Variants in CAST observed in about 807,000 individuals in gnomAD.
CAST encodes the protein MIR583 host.
A neutral mutation model predicts 119.6 loss-of-function variants in CAST; 76 were observed. The ratio of observed to expected loss-of-function variants is 0.64; its 90% CI spans 0.53 to 0.77. The LOEUF is 0.77. CAST is among the 30% of genes least tolerant of loss of function. The pLI is 0.00. For synonymous variants in CAST, 319 were observed against 331.6 expected, an observed-to-expected ratio of 0.96 and a Z score of 0.41; for missense variants, 953 against 946.5, an observed-to-expected ratio of 1.01 and a Z score of -0.09.
chr5:95,963,167 C>G, the CAST span, among the ~76,000 whole-genome samples: 1 of 152,156 alleles, frequency 6.6e-6, no homozygotes, highest in African/African-American at 2.4e-5. Flanking sequence ...CTTGTTTTTA[C>G]CCTCAGCTTA....
At chr5:96,362,328 T>C in the CAST span, among the ~76,000 whole-genome samples, 62 of 152,360 alleles carry the variant, frequency 4.1e-4, no homozygotes, top group South Asian at 2.3e-3. Flanking sequence ...GCATGATTTA[T>C]AATCCTTTGG....
chr5:96,204,399 A>G, the CAST span, among the ~76,000 whole-genome samples: 2 of 151,958 alleles, frequency 1.3e-5, no homozygotes, highest in African/African-American at 4.8e-5. Flanking sequence ...AGATGATTTT[A>G]CCATCTCTAT....
the CAST span, among the ~76,000 whole-genome samples, chr5:96,254,550 C>T: frequency 6.6e-6 from 1 of 151,992 alleles, no homozygotes; most frequent in Non-Finnish European, 1.5e-5. Flanking sequence ...TTATTTAATT[C>T]CTACTTCCAT....
the CAST span, among the ~76,000 whole-genome samples, chr5:96,245,911 T>C: frequency 6.6e-6 from 1 of 152,180 alleles, no homozygotes; most frequent in Non-Finnish European, 1.5e-5. Context: ...GAATGAACTC[T>C]GTGTGTTCAC....
At chr5:96,004,142 C>A in the CAST span, among the ~76,000 whole-genome samples, 1 of 152,156 alleles carries the variant, frequency 6.6e-6, no homozygotes, top group Non-Finnish European at 1.5e-5. Flanking sequence ...ATGCCATGTG[C>A]TATGTTTTAG....
the CAST span, among the ~76,000 whole-genome samples, chr5:96,254,170 C>G: frequency 5.9e-5 from 9 of 152,076 alleles, no homozygotes; most frequent in Non-Finnish European, 1.5e-5. Context: ...ACCTTGGAGA[C>G]AGCATATATA....
chr5:96,518,946 C>T, the CAST span, among the ~76,000 whole-genome samples: 6 of 151,662 alleles, frequency 4.0e-5, no homozygotes, highest in African/African-American at 1.5e-4. Context: ...ATTGCTTAAA[C>T]CCGGGAGGCA....
chr5:96,158,520 G>A, the CAST span, among the ~76,000 whole-genome samples: 4 of 152,018 alleles, frequency 2.6e-5, no homozygotes, highest in South Asian at 2.1e-4. Flanking sequence ...GATTAAAGTC[G>A]GGGGGAGGAC....
chr5:96,154,366 G>C, the CAST span, among the ~76,000 whole-genome samples: 9 of 151,954 alleles, frequency 5.9e-5, no homozygotes, highest in Non-Finnish European at 7.4e-5. Context: ...ATTTAGGTCA[G>C]TTTTTAAAAA....
At chr5:96,040,288 T>A in the CAST span, among the ~76,000 whole-genome samples, 1 of 152,170 alleles carries the variant, frequency 6.6e-6, no homozygotes, top group Non-Finnish European at 1.5e-5. Context: ...ACGATCGGGT[T>A]TTCTAAATAT....
chr5:96,024,875 T>A, the CAST span, among the ~76,000 whole-genome samples: 1 of 152,148 alleles, frequency 6.6e-6, no homozygotes, highest in Non-Finnish European at 1.5e-5. Flanking sequence ...GATGGTACAC[T>A]TTTTTTGCCA....
At chr5:96,370,662 C>T in the CAST span, among the ~76,000 whole-genome samples, 12 of 151,144 alleles carry the variant, frequency 7.9e-5, no homozygotes, top group East Asian at 3.9e-4. Flanking sequence ...TTCATATTCA[C>T]GGTAGGGATA....
chr5:96,195,920 A>G, the CAST span, among the ~76,000 whole-genome samples: 1 of 152,146 alleles, frequency 6.6e-6, no homozygotes, highest in Non-Finnish European at 1.5e-5. Context: ...GTCCTTTGTT[A>G]TTTTGAAATG....
intron 1 of CAST, among the ~76,000 whole-genome samples, chr5:96,653,258 TG>T (rs1256935399): frequency 6.6e-6 from 1 of 152,208 alleles, no homozygotes; most frequent in Admixed American, 6.5e-5. Context: ...CACCTGGTAT[TG>T]AAGTTATGCC....
At chr5:96,127,158 GC>G in the CAST span, among the ~76,000 whole-genome samples, 1 of 152,060 alleles carries the variant, frequency 6.6e-6, no homozygotes, top group Non-Finnish European at 1.5e-5. Context: ...AGCTTTATTT[GC>G]AATCACCTCT....
In CAST at chr5:96,594,249, G is replaced by A. The variant is rs369039188; in HGVS notation, c.60+64369G>A. Among the ~76,000 whole-genome samples, 15 of 152,280 alleles carry A rather than the reference G, an allele frequency of 9.9e-5. No individual in the cohort carries two copies. The East Asian group carries it at 2.1e-3, about 22-fold the overall frequency. ...TATTACTTCCCTATATTAGCCAACC[G>A]TTCCTGCAGAAAATCATATAGAAGA... On this transcript the variant is annotated intron_variant, in intron 1 of 11. Transcript: ENST00000505143.
chr5:96,749,802 T>C (rs1159426385), intron 19 of CAST, among the ~76,000 whole-genome samples: 1 of 152,216 alleles, frequency 6.6e-6, no homozygotes, highest in African/African-American at 2.4e-5. Flanking sequence ...CTCCTTGGCC[T>C]CCCAAAGTGC....
the CAST span, among the ~76,000 whole-genome samples, chr5:96,148,867 T>C: frequency 5.3e-5 from 8 of 152,238 alleles, no homozygotes; most frequent in Admixed American, 2.0e-4. Flanking sequence ...TGAGAAGAGC[T>C]GTGTGACCTT....
At chr5:95,997,970 T>G in the CAST span, among the ~76,000 whole-genome samples, 3 of 146,886 alleles carry the variant, frequency 2.0e-5, no homozygotes, top group Non-Finnish European at 4.5e-5. Flanking sequence ...AGGGTTTTTT[T>G]TTTTTTTTTT....
Sources: allele counts gnomAD v4.1 joint callset (sites outside exome capture counted in the v4.1 genomes callset), GRCh38; gene constraint gnomAD v4.1.1; transcripts MANE v1.5; gene names NCBI Gene and HGNC (gene_info 2026-07-23, HGNC 2026-07-21).